ADD3: variants seen among roughly 807,000 people sequenced by gnomAD.
ADD3 encodes gamma-adducin.
In ADD3, 25 loss-of-function variants were observed where a neutral mutation model predicts 80.2. That is an observed-to-expected ratio of 0.31 (90% CI 0.23 to 0.44). The LOEUF (loss-of-function observed/expected upper bound fraction) is 0.44. ADD3 is among the 20% of genes least tolerant of loss of function. The pLI is 1.00. For synonymous variants in ADD3, 284 were observed against 289.6 expected, an observed-to-expected ratio of 0.98 and a Z score of 0.20; for missense variants, 829 against 847.5, an observed-to-expected ratio of 0.98 and a Z score of 0.27.
At chr10:110,070,647 C>T (rs191653800) in intron 1 of ADD3, among the ~76,000 whole-genome samples, 1 of 152,186 alleles carries the variant, frequency 6.6e-6, no homozygotes, top group Admixed American at 6.5e-5. Context: ...TTCTATCATG[C>T]CACTGAGTAT....
At chr10:110,126,165 T>G (rs1172177005) in intron 11 of ADD3, among the ~76,000 whole-genome samples, 1 of 152,158 alleles carries the variant, frequency 6.6e-6, no homozygotes, top group Non-Finnish European at 1.5e-5. Context: ...TTTTTCTGCG[T>G]TAGAGAACCC....
intron 14 of ADD3, chr10:110,132,631 A>T (rs1853175384): frequency 2.2e-6 from 1 of 461,730 alleles, no homozygotes; most frequent in African/African-American, 2.0e-5. Flanking sequence ...GCAGTTCTTA[A>T]GAATTTGTGG....
intron 1 of ADD3, among the ~76,000 whole-genome samples, chr10:110,066,534 T>C (rs927125865): frequency 2.0e-5 from 3 of 152,156 alleles, no homozygotes; most frequent in Non-Finnish European, 4.4e-5. Context: ...TGCCTGGCCC[T>C]TGATTAGGGT....
chr10:110,087,680 T>C (rs1846969258), intron 1 of ADD3, among the ~76,000 whole-genome samples: 1 of 152,220 alleles, frequency 6.6e-6, no homozygotes, highest in African/African-American at 2.4e-5. Context: ...CGATTTGTTA[T>C]TTCTGAAGAG....
chr10:110,013,080 C>T (rs564288238), intron 1 of ADD3, among the ~76,000 whole-genome samples: 46 of 152,042 alleles, frequency 3.0e-4, no homozygotes, highest in South Asian at 8.3e-4. Context: ...AACAAGGCTA[C>T]GGTTTTTTTG....
upstream of ADD3, among the ~76,000 whole-genome samples, chr10:110,007,419 C>T (rs1326911798): frequency 6.6e-6 from 1 of 152,208 alleles, no homozygotes; most frequent in Non-Finnish European, 1.5e-5. Flanking sequence ...TCCTACAGCC[C>T]CAGCAGCCAG....
At chr10:110,105,216 C>T (rs1257025027) in intron 2 of ADD3, among the ~76,000 whole-genome samples, 1 of 151,990 alleles carries the variant, frequency 6.6e-6, no homozygotes, top group African/African-American at 2.4e-5. Flanking sequence ...TCTTAGAAAT[C>T]AAATACCACT....
chr10:110,132,903 C>T (rs530025696), intron 14 of ADD3, among the ~76,000 whole-genome samples: 55 of 125,560 alleles, frequency 4.4e-4, no homozygotes, highest in East Asian at 2.5e-3. Context: ...CCGGCCTGGG[C>T]GACAGAGTGA....
intron 1 of ADD3, among the ~76,000 whole-genome samples, chr10:109,997,729 A>C (rs149125457): frequency 6.6e-6 from 1 of 152,352 alleles, no homozygotes; most frequent in African/African-American, 2.4e-5. Flanking sequence ...ATGCCACTGA[A>C]ATGTAGTTTC....
intron 2 of ADD3, among the ~76,000 whole-genome samples, chr10:110,111,787 C>T (rs1850049601): frequency 6.6e-6 from 1 of 152,034 alleles, no homozygotes; most frequent in Admixed American, 6.6e-5. Context: ...GTGGCGCATG[C>T]CTGTAATCCC....
intron 1 of ADD3, among the ~76,000 whole-genome samples, chr10:110,068,291 C>T (rs1448634654): frequency 2.0e-5 from 3 of 152,152 alleles, no homozygotes; most frequent in Admixed American, 2.0e-4. Flanking sequence ...TTCCACCTCC[C>T]CCCCTCCTTT....
At chr10:110,053,845 C>T (rs887982604) in intron 1 of ADD3, among the ~76,000 whole-genome samples, 5 of 152,158 alleles carry the variant, frequency 3.3e-5, no homozygotes, top group African/African-American at 1.2e-4. Context: ...AATGCAACTA[C>T]CCCTTGACTT....
intron 1 of ADD3, among the ~76,000 whole-genome samples, chr10:110,022,534 T>C (rs1378342445): frequency 6.6e-6 from 1 of 152,212 alleles, no homozygotes; most frequent in African/African-American, 2.4e-5. Flanking sequence ...TATGTAATTT[T>C]CTTTATTAGA....
intron 13 of ADD3, among the ~76,000 whole-genome samples, chr10:110,130,811 G>T (rs996303714): frequency 1.3e-5 from 2 of 150,128 alleles, no homozygotes; most frequent in African/African-American, 2.5e-5. Flanking sequence ...AGCTGAGATC[G>T]CACCACTGCA....
At chr10:110,103,615 G>C (rs974323501) in intron 2 of ADD3, among the ~76,000 whole-genome samples, 7 of 152,192 alleles carry the variant, frequency 4.6e-5, no homozygotes, top group African/African-American at 1.4e-4. Context: ...TTATTAGTTA[G>C]AAGTGAGTCT....
chr10:110,000,690 A>G (rs1000820708), intron 1 of ADD3, among the ~76,000 whole-genome samples: 3 of 152,252 alleles, frequency 2.0e-5, no homozygotes, highest in Non-Finnish European at 4.4e-5. Flanking sequence ...ATGAACTGTT[A>G]GGCTCTGGAG....
chr10:110,111,900 C>T (rs749446527), intron 2 of ADD3, among the ~76,000 whole-genome samples: 9 of 147,958 alleles, frequency 6.1e-5, no homozygotes, highest in South Asian at 2.1e-4. Context: ...GCAACAAGAG[C>T]GAAACTCTGT....
intron 1 of ADD3, among the ~76,000 whole-genome samples, chr10:110,073,138 C>CTTTTTTTTTTTTTTTTTTTTT (rs1189793476): frequency 1.1e-5 from 1 of 94,252 alleles, no homozygotes; most frequent in African/African-American, 4.5e-5. Flanking sequence ...TTTTAGTTTT[C>CTTTTTTTTTTTTTTTTTTTTT]TTTTTTTTTT....
intron 1 of ADD3, among the ~76,000 whole-genome samples, chr10:110,095,224 T>C (rs574706168): frequency 1.3e-5 from 2 of 152,344 alleles, no homozygotes; most frequent in South Asian, 4.1e-4. Context: ...AACAGTTTTA[T>C]GGAGATAATT....
Sources: allele counts gnomAD v4.1 joint callset (sites outside exome capture counted in the v4.1 genomes callset), GRCh38; gene constraint gnomAD v4.1.1; transcripts MANE v1.5; gene names NCBI Gene and HGNC (gene_info 2026-07-23, HGNC 2026-07-21).